Variants in NCOR2 observed in about 807,000 individuals in gnomAD.
NCOR2 encodes nuclear receptor corepressor 2.
NCOR2 carries 81 observed loss-of-function variants against 262.9 expected under a neutral mutation model. That is an observed-to-expected ratio of 0.31 (90% CI 0.26 to 0.37). NCOR2 has a LOEUF of 0.37. NCOR2 is among the 10% of genes least tolerant of loss of function. The pLI is 1.00. For missense variants in NCOR2, 3,385 were observed against 3,621.4 expected (o/e 0.93, Z 1.68); for synonymous variants, 1,659 against 1,559.3 (o/e 1.06, Z -1.51).
intron 31 of NCOR2, among the ~76,000 whole-genome samples, 157 bp downstream of exon 33, chr12:124,346,407 C>T (rs1421227736): frequency 2.0e-5 from 3 of 152,202 alleles, no homozygotes; most frequent in African/African-American, 7.2e-5. Flanking sequence ...CCCTGGAACA[C>T]GCACAGCTGA....
Position 124,483,946 on chromosome 12 carries a change from C to T in NCOR2, c.234-173G>A, listed in dbSNP as rs1593766087. On this transcript the variant is annotated intron_variant, in intron 2 of 46. Transcript: ENST00000405201. This position sits in a 1 kb window ranked among gnomAD's most constrained non-coding sequence, Gnocchi z 6.3. ...ACGGTCCCACAGCAGGGCAGGACTC[C>T]AATGCAGCGCTGCCTTCCTTCAGGT... Among the ~76,000 whole-genome samples the T allele has an allele frequency of 6.6e-6, 1 of 152,310 alleles. No homozygotes were observed. The highest frequency in any genetic ancestry group is 1.5e-5 in the Non-Finnish European group (1 of 68,020).
At chr12:124,349,564 G>A (rs757123292) in intron 28 of NCOR2, among the ~76,000 whole-genome samples, 6 of 152,048 alleles carry the variant, frequency 3.9e-5, no homozygotes, top group Non-Finnish European at 5.9e-5. Context: ...AGGCACCACA[G>A]TCCTCCCCAT....
chr12:124,351,533 T>C (rs370476614), intron 27 of NCOR2, among the ~76,000 whole-genome samples: 7 of 152,056 alleles, frequency 4.6e-5, no homozygotes, highest in South Asian at 4.1e-4. Flanking sequence ...TTTCCCCCAA[T>C]TGAGAACCAC....
At chr12:124,528,184 G>A (rs957934173) in intron 1 of NCOR2, among the ~76,000 whole-genome samples, 11 of 152,048 alleles carry the variant, frequency 7.2e-5, no homozygotes, top group African/African-American at 1.4e-4. Context: ...GCGCCTCCCC[G>A]CCTCCTCCCT....
rs563700183 is a variant in NCOR2, at chr12:124,454,564, C to G, written c.762+2542G>C. ...ACACAGGCCCTTTCCCCCAGGAGGC[C>G]CCCGGGGACCAATCAGGAAACGGGA... On this transcript the variant is annotated intron_variant, in intron 6 of 46. Coordinates refer to ENST00000405201, the Ensembl canonical transcript of NCOR2. This position sits in a 1 kb window ranked among gnomAD's most constrained non-coding sequence, Gnocchi z 5.6. Among the ~76,000 whole-genome samples the G allele has an allele frequency of 2.1e-3, 319 of 152,246 alleles. No homozygotes were observed. Among genetic ancestry groups the G allele is most frequent in the Non-Finnish European group, 3.1e-3 (210 of 68,028 alleles).
intron 11 of NCOR2, 70 bp from the exon 14 acceptor site, chr12:124,422,625 C>T: frequency 6.3e-7 from 1 of 1,579,096 alleles, no homozygotes. Flanking sequence ...CCGATCGGCT[C>T]CCAGGCGCCT....
chr12:124,508,909 C>T (rs571153775), intron 1 of NCOR2, among the ~76,000 whole-genome samples: 3 of 152,132 alleles, frequency 2.0e-5, no homozygotes, highest in South Asian at 4.1e-4. Flanking sequence ...GGAGGTGGAG[C>T]GCCAGCAACG....
chr12:124,561,704 G>A (rs1455224919), intron 1 of NCOR2, among the ~76,000 whole-genome samples: 1 of 152,120 alleles, frequency 6.6e-6, no homozygotes, highest in Non-Finnish European at 1.5e-5. Context: ...ACCACGCAGA[G>A]AAAACACGCA....
chr12:124,471,678 G>A (rs2046841515), intron 4 of NCOR2, among the ~76,000 whole-genome samples: 1 of 152,222 alleles, frequency 6.6e-6, no homozygotes, highest in African/African-American at 2.4e-5. Flanking sequence ...AGGCACTCCT[G>A]CCTCAGCCTC....
At chr12:124,475,863 G>A (rs1428257321) in intron 3 of NCOR2, among the ~76,000 whole-genome samples, 1 of 152,200 alleles carries the variant, frequency 6.6e-6, no homozygotes, top group Non-Finnish European at 1.5e-5. Context: ...GAACCGTGGG[G>A]CTGAGCCATG....
At chr12:124,461,489 G>A (rs964419949) in intron 5 of NCOR2, among the ~76,000 whole-genome samples, 2 of 152,258 alleles carry the variant, frequency 1.3e-5, no homozygotes, top group Non-Finnish European at 2.9e-5. Context: ...AAGCCTAGGA[G>A]CTGTGCTGGG....
chr12:124,372,615 G>A lies in NCOR2; in HGVS notation c.2219-5C>T, dbSNP rs1555307828. 7 of 1,595,620 alleles carry A rather than the reference G, an allele frequency of 4.4e-6. No homozygotes were observed. In the South Asian group the frequency reaches 6.6e-5, roughly 15 times the overall value. ...CTGAGCTGTTGTTGACAGTGGCTGT[G>A]CAGGGCGAGAAGGAAGAGGGGATGA... is the stretch of plus-strand genomic sequence containing the variant. On this transcript the variant is annotated splice_polypyrimidine_tract_variant and splice_region_variant and intron_variant, in intron 19 of 46. Transcript: ENST00000405201.
At chr12:124,431,159 G>GACACAC (rs771482707) in intron 8 of NCOR2, among the ~76,000 whole-genome samples, 1 of 141,524 alleles carries the variant, frequency 7.1e-6, no homozygotes, top group South Asian at 2.2e-4. Flanking sequence ...TGCAGTCACA[G>GACACAC]ACACACACAG....
chr12:124,392,429 GAC>G, intron 16 of NCOR2, among the ~76,000 whole-genome samples: 1 of 152,262 alleles, frequency 6.6e-6, no homozygotes, highest in Non-Finnish European at 1.5e-5. Context: ...CACACGTGGT[GAC>G]AGTCTCCTTG....
chr12:124,359,878 G>T (rs1483897814), intron 22 of NCOR2, among the ~76,000 whole-genome samples: 1 of 152,254 alleles, frequency 6.6e-6, no homozygotes, highest in Admixed American at 6.5e-5. Context: ...GGTAGCGCTG[G>T]GTGTCAAGTT....
At chr12:124,412,290 G>A (rs1223760989) in intron 13 of NCOR2, among the ~76,000 whole-genome samples, 1 of 152,244 alleles carries the variant, frequency 6.6e-6, no homozygotes, top group East Asian at 1.9e-4. Context: ...TGGTGTCGGG[G>A]TGACAGGGCG....
At chr12:124,410,635 C>A (rs1404152500) in intron 13 of NCOR2, among the ~76,000 whole-genome samples, 1 of 152,176 alleles carries the variant, frequency 6.6e-6, no homozygotes, top group Non-Finnish European at 1.5e-5. Context: ...AGATACAAGC[C>A]CTCGGCCTGG....
intron 44 of NCOR2, chr12:124,329,290 C>T: frequency 1.1e-5 from 4 of 356,404 alleles, no homozygotes; most frequent in South Asian, 2.1e-5. Context: ...GATGAAACCC[C>T]GTCTCTACTA....
At chr12:124,453,936 G>A (rs904756752) in intron 6 of NCOR2, among the ~76,000 whole-genome samples, 9 of 152,230 alleles carry the variant, frequency 5.9e-5, no homozygotes, top group Admixed American at 1.3e-4. Context: ...CGTCCCTGCC[G>A]AGGGGAGGGG....
Sources: allele counts gnomAD v4.1 joint callset (sites outside exome capture counted in the v4.1 genomes callset), GRCh38; gene constraint gnomAD v4.1.1; non-coding constraint Gnocchi (gnomAD v3.1); transcripts MANE v1.5; gene names NCBI Gene and HGNC (gene_info 2026-07-23, HGNC 2026-07-21).